ZRANB2: variants seen among roughly 807,000 people sequenced by gnomAD.
ZRANB2 encodes zinc finger RANBP2-type containing 2.
A neutral mutation model predicts 53.4 loss-of-function variants in ZRANB2; 19 were observed. The observed-to-expected ratio is 0.36, with a 90% CI of 0.25 to 0.52. The LOEUF is 0.52. Ranked by LOEUF, ZRANB2 falls within the 20% of genes least tolerant of loss-of-function variation. ZRANB2 has a pLI of 0.93. For synonymous variants in ZRANB2, 145 were observed against 134.8 expected (o/e 1.08, Z -0.52); for missense variants, 309 against 401.1 (o/e 0.77, Z 1.96).
At chr1:71,069,639 G>C (rs919562203) in intron 7 of ZRANB2, 1 of 205,638 alleles carries the variant, frequency 4.9e-6, no homozygotes, top group Non-Finnish European at 9.7e-6. Flanking sequence ...TGAATACTTT[G>C]TTTACAAGTA....
intron 4 of ZRANB2, 81 bp from the exon 5 acceptor site, chr1:71,072,629 C>G: frequency 9.8e-7 from 1 of 1,025,242 alleles, no homozygotes; most frequent in Non-Finnish European, 1.5e-6. Flanking sequence ...CTCCAGACAA[C>G]AAAAAACATC....
At chr1:71,066,499 A>C (rs1661441267) in intron 9 of ZRANB2, 1 of 281,904 alleles carries the variant, frequency 3.5e-6, no homozygotes. Context: ...TTGCAATCTC[A>C]AAAGACAGAA....
At chr1:71,078,200 G>T (rs1202396366) in intron 3 of ZRANB2, among the ~76,000 whole-genome samples, 1 of 152,008 alleles carries the variant, frequency 6.6e-6, no homozygotes, top group Non-Finnish European at 1.5e-5. Context: ...CCCCCCGATT[G>T]GTTTTGAGCT....
At chr1:71,068,351 A>AT (rs149728507) in intron 8 of ZRANB2, among the ~76,000 whole-genome samples, 1,632 of 152,286 alleles carry the variant, frequency 0.011, 29 homozygotes, top group African/African-American at 0.036. Flanking sequence ...TTTCTTATTT[A>AT]TTTTTTAGAT....
chr1:71,079,376 C>T (rs887427248), intron 1 of ZRANB2, among the ~76,000 whole-genome samples: 2 of 152,122 alleles, frequency 1.3e-5, no homozygotes, highest in South Asian at 4.1e-4. Context: ...TAAAGAATTA[C>T]TGGTTCACTC....
At chr1:71,073,460 A>C (rs1021801710) in intron 4 of ZRANB2, among the ~76,000 whole-genome samples, 7 of 151,862 alleles carry the variant, frequency 4.6e-5, no homozygotes. Flanking sequence ...TAGATTTATA[A>C]TAAAAATATT....
chr1:71,065,723 G>A (rs1557788751), intron 9 of ZRANB2: 1 of 1,612,614 alleles, frequency 6.2e-7, no homozygotes, highest in East Asian at 2.2e-5. Context: ...CTGGGCTCAG[G>A]GTTGTTTAGT....
At position 71,064,932 on chromosome 1, in the gene ZRANB2, A is replaced by G. The variant is rs1344670042; in HGVS notation, c.*142T>C. 1.4e-5 allele frequency: 7 copies of G among 518,308 alleles called. No individual in the cohort carries two copies. Among genetic ancestry groups the G allele is most frequent in the African/African-American group, 9.8e-5 (5 of 51,168 alleles). 32.1% of individuals were successfully genotyped at this position (518,308 alleles called of 1,614,324 possible). ...TACTTTTAACTTCACAAATAAACACAGCTGTATTGTTTTGAAAAGCAATGA... is the reference window on the plus strand; with the variant it reads ...TACTTTTAACTTCACAAATAAACACGGCTGTATTGTTTTGAAAAGCAATGA... On this transcript the variant is annotated 3_prime_UTR_variant, in exon 10 of 10. Transcript: ENST00000370920.
rs1476913257 is a variant in ZRANB2 at position 71,065,093 on chromosome 1, G to C, written c.974C>G (p.Ser325Ter). ...AATACATTATTTCTTTTTTGAACTT[G>C]AACGGGAACCAGAATGGGATGATCC... ...SSGSSHSGSR[S>*]SSKKK The change falls in exon 10 of 10, where the codon TCA becomes TGA. Residue 325 changes from serine to a stop codon, truncating the protein, a stop_gained. Transcript: ENST00000370920. LOFTEE classifies it high-confidence loss of function. The C allele has an allele frequency of 1.2e-6, 2 of 1,610,822 alleles. No homozygotes were observed. Among genetic ancestry groups the C allele is most frequent in the African/African-American group, 1.3e-5 (1 of 74,710 alleles).
intron 9 of ZRANB2, chr1:71,066,219 A>C (rs990946341): frequency 6.4e-6 from 1 of 156,054 alleles, no homozygotes; most frequent in Non-Finnish European, 1.4e-5. Flanking sequence ...GTCAGTACAG[A>C]TAAAGTAACC....
chr1:71,073,146 GATTCT>G (rs1386016214), intron 4 of ZRANB2, among the ~76,000 whole-genome samples: 1 of 152,038 alleles, frequency 6.6e-6, no homozygotes, highest in Non-Finnish European at 1.5e-5. Context: ...GAAATTAAAT[GATTCT>G]ATTAAAAAGT....
intron 3 of ZRANB2, among the ~76,000 whole-genome samples, chr1:71,077,861 C>T (rs1282867143): frequency 6.6e-6 from 1 of 151,856 alleles, no homozygotes; most frequent in East Asian, 1.9e-4. Context: ...ATCTCAAAAA[C>T]AAAAAATACA....
chr1:71,076,936 T>C (rs1037066492), intron 3 of ZRANB2, 59 bp from the exon 4 acceptor site: 5 of 1,249,656 alleles, frequency 4.0e-6, no homozygotes, highest in Non-Finnish European at 5.7e-6. Context: ...ATCAAATTTT[T>C]AGATATTTTA....
At chr1:71,080,014 T>C (rs1474263152) in intron 1 of ZRANB2, among the ~76,000 whole-genome samples, 1 of 152,216 alleles carries the variant, frequency 6.6e-6, no homozygotes, top group Non-Finnish European at 1.5e-5. Context: ...AAAATTCTAT[T>C]CCTTTTTTAG....
rs932380412 is a variant in ZRANB2 at position 71,064,331 on chromosome 1, T to G, written c.*743A>C. On this transcript the variant is annotated 3_prime_UTR_variant, in exon 10 of 10. Coordinates refer to ENST00000370920, the MANE Select transcript of ZRANB2 (RefSeq NM_203350.3). Reference sequence around the variant, plus strand: ...TTGGAAGAATATCACACAAAGCTTCTTAAAACATTGGTAAACATTTTGAGA... The same window carrying G: ...TTGGAAGAATATCACACAAAGCTTCGTAAAACATTGGTAAACATTTTGAGA... The G allele has an allele frequency of 6.6e-6, 1 of 152,156 alleles. No individual in the cohort carries two copies. Among genetic ancestry groups the G allele is most frequent in the African/African-American group, 2.4e-5 (1 of 41,438 alleles). 9.4% of individuals were successfully genotyped at this position (152,156 alleles called of 1,614,324 possible).
At chr1:71,071,814 G>A (rs1018845796) in intron 6 of ZRANB2, among the ~76,000 whole-genome samples, 1 of 152,054 alleles carries the variant, frequency 6.6e-6, no homozygotes, top group African/African-American at 2.4e-5. Context: ...AACCAAAGTT[G>A]CTTTTAAACT....
At chr1:71,067,235 G>C in intron 8 of ZRANB2, 1 of 202,916 alleles carries the variant, frequency 4.9e-6, no homozygotes, top group Non-Finnish European at 9.8e-6. Context: ...AAATATTATA[G>C]TATTATAAAA....
In ZRANB2 at chr1:71,066,818, C is replaced by T; in HGVS notation, c.887G>A (p.Gly296Asp). ...KRSRSRSSSS[G>D]DRKKRRTRSR... ...TCTTGTTCGTCTTTTTTTGCGATCACCAGATGAAGAAGATCTAGAACGACT... is the reference window on the plus strand; with the variant it reads ...TCTTGTTCGTCTTTTTTTGCGATCATCAGATGAAGAAGATCTAGAACGACT... The change falls in exon 9 of 10, where the codon GGT becomes GAT. Residue 296 changes from glycine (G) to aspartate (D), a missense_variant. Gly to Asp is a moderately conservative substitution (Grantham distance 94). Transcript: ENST00000370920. 1 of 1,612,138 alleles carries T rather than the reference C, an allele frequency of 6.2e-7. No individual in the cohort carries two copies. The highest frequency in any genetic ancestry group is 2.2e-5 in the East Asian group (1 of 44,804).
intron 4 of ZRANB2, among the ~76,000 whole-genome samples, chr1:71,073,107 C>G (rs1319357660): frequency 6.6e-6 from 1 of 152,100 alleles, no homozygotes; most frequent in Admixed American, 6.6e-5. Flanking sequence ...AAAAGTCACA[C>G]AGGTTCTCTG....
Sources: gnomAD v4.1 joint callset for allele counts (sites outside exome capture counted in the v4.1 genomes callset) on GRCh38, gnomAD v4.1.1 for gene constraint, MANE v1.5 for transcripts, NCBI Gene and HGNC (gene_info 2026-07-23, HGNC 2026-07-21) for gene names.